Variants in RAD54B observed in about 807,000 individuals in gnomAD.
The protein encoded by RAD54B is DNA repair and recombination protein RAD54B.
RAD54B carries 78 observed loss-of-function variants against 95.8 expected under a neutral mutation model. That is an observed-to-expected ratio of 0.81 (90% CI 0.68 to 0.98). RAD54B has a LOEUF of 0.98. RAD54B is among the 50% of genes least tolerant of loss of function. The pLI, the probability that RAD54B is intolerant of heterozygous loss-of-function variation, is 0.00. For missense variants in RAD54B, 957 were observed against 1,056.6 expected (o/e 0.91, Z 1.31); for synonymous variants, 328 against 354.9 (o/e 0.92, Z 0.85).
chr8:94,385,883 A>C (rs1810878654), intron 11 of RAD54B, among the ~76,000 whole-genome samples: 1 of 152,204 alleles, frequency 6.6e-6, no homozygotes, highest in Admixed American at 6.5e-5. Flanking sequence ...GTATGACTGG[A>C]CCACATGGTA....
chr8:94,426,866 CAAAT>C (rs1444070243), intron 3 of RAD54B, among the ~76,000 whole-genome samples: 6 of 152,030 alleles, frequency 3.9e-5, no homozygotes, highest in African/African-American at 1.4e-4. Context: ...CACACATGCA[CAAAT>C]AAATAGTGAA....
intron 3 of RAD54B, among the ~76,000 whole-genome samples, chr8:94,457,589 T>C (rs1418546369): frequency 6.6e-6 from 1 of 152,238 alleles, no homozygotes; most frequent in Non-Finnish European, 1.5e-5. Context: ...TGGCAGTTAC[T>C]ATTCTGTAGC....
At position 94,449,423 on chromosome 8, in the gene RAD54B, A is replaced by G. The variant is rs984531318; in HGVS notation, c.304+8845T>C. ...GGGAGTTCAAGACCAGCTGGCCAACATGGTGAAACCCTGTTTCCACTAAAA... is the reference window on the plus strand; with the variant it reads ...GGGAGTTCAAGACCAGCTGGCCAACGTGGTGAAACCCTGTTTCCACTAAAA... On this transcript the variant is annotated intron_variant, in intron 3 of 14. Transcript: ENST00000336148. 3.9e-5 allele frequency among the ~76,000 whole-genome samples: 6 copies of G among 152,226 alleles called. No individual in the cohort carries two copies. In the East Asian group the frequency reaches 7.7e-4, roughly 20 times the overall value.
chr8:94,416,865 G>C (rs1452983311), intron 3 of RAD54B, among the ~76,000 whole-genome samples: 2 of 152,098 alleles, frequency 1.3e-5, no homozygotes, highest in Non-Finnish European at 2.9e-5. Context: ...AAATGACACA[G>C]CAATTACACT....
chr8:94,425,389 C>T (rs2130082139), intron 3 of RAD54B, among the ~76,000 whole-genome samples: 1 of 152,058 alleles, frequency 6.6e-6, no homozygotes, highest in African/African-American at 2.4e-5. Context: ...TAAATACACA[C>T]ATTGTTTTCA....
intron 3 of RAD54B, among the ~76,000 whole-genome samples, chr8:94,442,920 G>A (rs1384921930): frequency 6.6e-6 from 1 of 152,100 alleles, no homozygotes; most frequent in Non-Finnish European, 1.5e-5. Context: ...GTCCCGCAAT[G>A]GCAAAAGGAC....
rs143019153 is a variant in RAD54B at position 94,411,184 on chromosome 8, C to G, written c.436G>C (p.Val146Leu). ...KKHKKWEGDA[V>L]LIVKGKSFIL... ...AATGACTTTCCTTTTACAATAAGAA[C>G]AGCATCACCTTCCCACTTTTTATGT... Residue 146 changes from valine (V) to leucine (L), a missense_variant, in exon 4 of 15, where the codon GTT (valine) becomes CTT (leucine). By Grantham distance (32) the Val-to-Leu change is conservative (BLOSUM62 1). Coordinates refer to ENST00000336148, the MANE Select transcript of RAD54B (RefSeq NM_012415.3). The G allele has an allele frequency of 2.5e-6, 4 of 1,611,002 alleles. No individual in the cohort carries two copies. The highest frequency in any genetic ancestry group is 3.4e-6 in the Non-Finnish European group (4 of 1,178,952).
At chr8:94,422,238 G>A (rs1186476825) in intron 3 of RAD54B, among the ~76,000 whole-genome samples, 1 of 151,938 alleles carries the variant, frequency 6.6e-6, no homozygotes, top group Non-Finnish European at 1.5e-5. Context: ...TTCAAAAACT[G>A]CTATTTTGAC....
At chr8:94,452,917 A>G (rs1337132620) in intron 3 of RAD54B, among the ~76,000 whole-genome samples, 1 of 152,234 alleles carries the variant, frequency 6.6e-6, no homozygotes, top group Non-Finnish European at 1.5e-5. Flanking sequence ...ATATGAATAT[A>G]TACTTACATA....
intron 8 of RAD54B, among the ~76,000 whole-genome samples, chr8:94,398,900 TA>T (rs1032132469): frequency 6.6e-6 from 1 of 152,102 alleles, no homozygotes; most frequent in Non-Finnish European, 1.5e-5. Context: ...CATATACATA[TA>T]AAAATAACTG....
chr8:94,402,453 C>T (rs1291489575), intron 6 of RAD54B, among the ~76,000 whole-genome samples: 1 of 152,046 alleles, frequency 6.6e-6, no homozygotes, highest in Non-Finnish European at 1.5e-5. Flanking sequence ...GGGATTTCAC[C>T]ATGTTAGCCA....
chr8:94,417,939 C>G (rs547341570), intron 3 of RAD54B, among the ~76,000 whole-genome samples: 24 of 151,882 alleles, frequency 1.6e-4, no homozygotes, highest in Non-Finnish European at 2.9e-4. Context: ...CTGGCATGAC[C>G]CAATGAACTC....
intron 11 of RAD54B, among the ~76,000 whole-genome samples, chr8:94,382,761 G>A (rs924963949): frequency 3.3e-5 from 5 of 152,084 alleles, no homozygotes; most frequent in African/African-American, 7.2e-5. Flanking sequence ...GAGTTCTCAC[G>A]AGATCTGCTG....
intron 11 of RAD54B, among the ~76,000 whole-genome samples, chr8:94,385,432 TC>T (rs1263049816): frequency 1.3e-5 from 2 of 151,898 alleles, no homozygotes; most frequent in African/African-American, 2.4e-5. Flanking sequence ...TTAAACTGGG[TC>T]ACAATCTGCA....
chr8:94,376,788 T>G (rs141179464), intron 14 of RAD54B, among the ~76,000 whole-genome samples: 14 of 149,420 alleles, frequency 9.4e-5, no homozygotes, highest in African/African-American at 3.4e-4. Flanking sequence ...TCATATATAA[T>G]TTATATGACA....
intron 10 of RAD54B, among the ~76,000 whole-genome samples, chr8:94,389,851 G>T (rs1810973691): frequency 6.6e-6 from 1 of 152,128 alleles, no homozygotes; most frequent in Non-Finnish European, 1.5e-5. Context: ...TATTATTAGT[G>T]ACTGCATGGC....
chr8:94,456,423 G>C (rs2094829746), intron 3 of RAD54B, among the ~76,000 whole-genome samples: 1 of 152,070 alleles, frequency 6.6e-6, no homozygotes, highest in African/African-American at 2.4e-5. Flanking sequence ...TGGTTATGCA[G>C]GAGAAAACAT....
At chr8:94,378,410 T>C (rs1471869134) in intron 13 of RAD54B, 30 bp from the exon 14 acceptor site, 2 of 1,581,804 alleles carry the variant, frequency 1.3e-6, no homozygotes, top group Non-Finnish European at 1.7e-6. Context: ...TAGATTTCCT[T>C]CAGATCTTTA....
At chr8:94,445,216 T>G (rs968286205) in intron 3 of RAD54B, among the ~76,000 whole-genome samples, 32 of 152,234 alleles carry the variant, frequency 2.1e-4, no homozygotes, top group African/African-American at 7.7e-4. Context: ...TGAGATCTCT[T>G]GGGCCTATTT....
Sources: allele counts gnomAD v4.1 joint callset (sites outside exome capture counted in the v4.1 genomes callset), GRCh38; gene constraint gnomAD v4.1.1; transcripts MANE v1.5; gene names NCBI Gene and HGNC (gene_info 2026-07-23, HGNC 2026-07-21).